Variants in ADAMTS3 observed in about 807,000 individuals in gnomAD.
ADAMTS3 encodes the protein A disintegrin and metalloproteinase with thrombospondin motifs 3.
A neutral mutation model predicts 129.0 loss-of-function variants in ADAMTS3; 73 were observed. That is an observed-to-expected ratio of 0.57 (90% CI 0.47 to 0.69). ADAMTS3 has a LOEUF of 0.69. Ranked by LOEUF, ADAMTS3 falls within the 30% of genes least tolerant of loss-of-function variation. The pLI, the probability that ADAMTS3 is intolerant of heterozygous loss-of-function variation, is 0.00. For synonymous variants in ADAMTS3, 477 were observed against 510.8 expected (o/e 0.93, Z 0.89); for missense variants, 1,457 against 1,514.5 (o/e 0.96, Z 0.63).
chr4:72,452,437 G>A (rs1718431266), intron 3 of ADAMTS3, among the ~76,000 whole-genome samples: 1 of 151,562 alleles, frequency 6.6e-6, no homozygotes, highest in African/African-American at 2.4e-5. Context: ...CCTCAAAAAA[G>A]TACAAGCCAG....
At chr4:72,555,556 C>G (rs1470352006) in intron 2 of ADAMTS3, among the ~76,000 whole-genome samples, 1 of 151,828 alleles carries the variant, frequency 6.6e-6, no homozygotes, top group Non-Finnish European at 1.5e-5. Flanking sequence ...AAAACTCATG[C>G]AATGTCTGTA....
At chr4:72,503,221 C>A (rs181170081) in intron 3 of ADAMTS3, among the ~76,000 whole-genome samples, 1 of 152,152 alleles carries the variant, frequency 6.6e-6, no homozygotes, top group East Asian at 1.9e-4. Flanking sequence ...TGGGGTTTCA[C>A]CATCTTGGCC....
chr4:72,374,705 A>G (rs1721094866), intron 4 of ADAMTS3, among the ~76,000 whole-genome samples: 1 of 152,178 alleles, frequency 6.6e-6, no homozygotes, highest in Non-Finnish European at 1.5e-5. Flanking sequence ...GTGACTGATT[A>G]TATTTTTGCA....
intron 4 of ADAMTS3, among the ~76,000 whole-genome samples, chr4:72,403,911 A>C (rs1312902231): frequency 1.3e-5 from 2 of 151,832 alleles, no homozygotes. Flanking sequence ...AACCTACTTA[A>C]TAATCAGCCC....
At chr4:72,400,864 A>G (rs1056425359) in intron 4 of ADAMTS3, among the ~76,000 whole-genome samples, 1 of 149,356 alleles carries the variant, frequency 6.7e-6, no homozygotes, top group Non-Finnish European at 1.5e-5. Flanking sequence ...TGTGTATTGG[A>G]CATATGTATG....
Position 72,426,298 on chromosome 4 carries a change from G to A in ADAMTS3, c.505-11327C>T, listed in dbSNP as rs542817165. Among the ~76,000 whole-genome samples the A allele has an allele frequency of 7.9e-5, 12 of 152,280 alleles. No homozygotes were observed. The South Asian group carries it at 1.7e-3, about 21-fold the overall frequency. On this transcript the variant is annotated intron_variant, in intron 3 of 21. Transcript: ENST00000286657. Reference sequence around the variant, plus strand: ...ATGCTGTAAGTTGCCTGTTCACTCTGATGGTAGTTTCTTTTGCTGTGCAGA... The same window carrying A: ...ATGCTGTAAGTTGCCTGTTCACTCTAATGGTAGTTTCTTTTGCTGTGCAGA...
chr4:72,410,444 T>C (rs957574933), intron 4 of ADAMTS3, among the ~76,000 whole-genome samples: 13 of 152,170 alleles, frequency 8.5e-5, no homozygotes, highest in Non-Finnish European at 1.6e-4. Context: ...CTATTCCTTG[T>C]TTCCCACTGG....
rs200493932 is a variant in ADAMTS3, at chr4:72,416,178, A to AAT, written c.505-1209_505-1208dup. Among the ~76,000 whole-genome samples, 9 of 148,326 alleles carry AAT rather than the reference A, an allele frequency of 6.1e-5. No homozygotes were observed. In the East Asian group the frequency reaches 1.6e-3, roughly 26 times the overall value. On this transcript the variant is annotated intron_variant, in intron 3 of 21. Coordinates refer to ENST00000286657, the MANE Select transcript of ADAMTS3 (RefSeq NM_014243.3). ...TATGTTTTCAGCAAATATAAATATA[A>AAT]ATATATATATTCATATATGTATATA... is the stretch of plus-strand genomic sequence containing the variant.
At chr4:72,398,374 T>G (rs901870130) in intron 4 of ADAMTS3, among the ~76,000 whole-genome samples, 1 of 151,972 alleles carries the variant, frequency 6.6e-6, no homozygotes. Flanking sequence ...CTGGCCAACA[T>G]GGAGAAACCC....
intron 4 of ADAMTS3, among the ~76,000 whole-genome samples, chr4:72,351,609 T>C (rs1479952262): frequency 6.7e-6 from 1 of 150,228 alleles, no homozygotes; most frequent in Non-Finnish European, 1.5e-5. Context: ...TCTTTGTTCA[T>C]TAAAAGCTAT....
chr4:72,353,834 A>T (rs931553672), intron 4 of ADAMTS3, among the ~76,000 whole-genome samples: 1 of 152,006 alleles, frequency 6.6e-6, no homozygotes, highest in South Asian at 2.1e-4. Flanking sequence ...GTAATAACAA[A>T]GTTGGTCTAT....
chr4:72,315,624 T>G (rs1307156946), intron 11 of ADAMTS3, among the ~76,000 whole-genome samples: 1 of 152,162 alleles, frequency 6.6e-6, no homozygotes, highest in African/African-American at 2.4e-5. Flanking sequence ...TTCTGGCCTC[T>G]AGAACTGTGA....
chr4:72,528,521 T>TAAAAAAAAA (rs11324929), intron 3 of ADAMTS3, among the ~76,000 whole-genome samples: 3 of 89,678 alleles, frequency 3.3e-5, no homozygotes, highest in Non-Finnish European at 5.6e-5. Flanking sequence ...AAGTGAAAAC[T>TAAAAAAAAA]AAAAAAAAAA....
rs140283541 is a variant in ADAMTS3 at position 72,384,776 on chromosome 4, T to C, written c.661+30039A>G. 4.7e-3 allele frequency among the ~76,000 whole-genome samples: 714 copies of C among 152,322 alleles called. 4 individuals are homozygous for C. The highest frequency in any genetic ancestry group is 0.016 in the African/African-American group (676 of 41,584). ...TATGTGGGTAAATATAAAATATTAT[T>C]TTCTATTCAATTTCTTTAAAATATT... On this transcript the variant is annotated intron_variant, in intron 4 of 21. Transcript: ENST00000286657.
At chr4:72,333,776 A>G (rs756584394) in intron 5 of ADAMTS3, among the ~76,000 whole-genome samples, 3 of 150,896 alleles carry the variant, frequency 2.0e-5, no homozygotes, top group East Asian at 1.9e-4. Context: ...TTAAGTCTCA[A>G]TTTAATAATC....
intron 5 of ADAMTS3, among the ~76,000 whole-genome samples, chr4:72,323,970 C>G (rs1719633177): frequency 6.6e-6 from 1 of 152,010 alleles, no homozygotes; most frequent in East Asian, 1.9e-4. Context: ...ACTGTATCTT[C>G]TCATTAACCT....
chr4:72,437,185 A>G (rs955694044), intron 3 of ADAMTS3, among the ~76,000 whole-genome samples: 1 of 151,874 alleles, frequency 6.6e-6, no homozygotes, highest in African/African-American at 2.4e-5. Context: ...ATTACCAGTT[A>G]TCACCAAATC....
chr4:72,361,608 T>C (rs2109855701), intron 4 of ADAMTS3, among the ~76,000 whole-genome samples: 1 of 152,276 alleles, frequency 6.6e-6, no homozygotes, highest in Non-Finnish European at 1.5e-5. Context: ...GTTTGGGTCT[T>C]GATACATCCA....
chr4:72,562,192 T>C (rs1186917763), intron 2 of ADAMTS3, among the ~76,000 whole-genome samples: 1 of 152,166 alleles, frequency 6.6e-6, no homozygotes, highest in African/African-American at 2.4e-5. Context: ...AACCAAATAT[T>C]TAAAAATTAT....
Sources: allele counts gnomAD v4.1 joint callset (sites outside exome capture counted in the v4.1 genomes callset), GRCh38; gene constraint gnomAD v4.1.1; transcripts MANE v1.5; gene names NCBI Gene and HGNC (gene_info 2026-07-23, HGNC 2026-07-21).